MEGF6: variants seen among roughly 807,000 people sequenced by gnomAD.
MEGF6 encodes multiple epidermal growth factor-like domains protein 6.
A neutral mutation model predicts 207.1 loss-of-function variants in MEGF6; 184 were observed. That is an observed-to-expected ratio of 0.89 (90% CI 0.79 to 1.00). MEGF6 has a LOEUF of 1.00. Ranked by LOEUF, MEGF6 falls within the 50% of genes least tolerant of loss-of-function variation. The probability of loss-of-function intolerance (pLI) is 0.00; values close to 1 mark genes in which losing one functional copy is unlikely to be tolerated. For synonymous variants in MEGF6, 1,038 were observed against 910.0 expected (o/e 1.14, Z -2.53); for missense variants, 2,282 against 2,202.9 (o/e 1.04, Z -0.72).
At chr1:3,621,459 C>T in the MEGF6 span, among the ~76,000 whole-genome samples, 33 of 152,156 alleles carry the variant, frequency 2.2e-4, no homozygotes, top group Non-Finnish European at 3.5e-4. Context: ...GATTGTAGAG[C>T]GAGGATTATT....
chr1:3,593,203 G>A (rs893692366), intron 3 of MEGF6, among the ~76,000 whole-genome samples: 5 of 152,060 alleles, frequency 3.3e-5, no homozygotes, highest in African/African-American at 7.2e-5. Flanking sequence ...TGGGACCATC[G>A]AGACACTGAG....
Position 3,556,839 on chromosome 1 carries a change from T to C in MEGF6, c.481+22986A>G, listed in dbSNP as rs997566280. 2.0e-5 allele frequency among the ~76,000 whole-genome samples: 3 copies of C among 152,170 alleles called. No homozygotes were observed. The highest frequency in any genetic ancestry group is 4.4e-5 in the Non-Finnish European group (3 of 68,028). ...GGAGAATGTTAAAAACTGCCGAGCCTGCCGGGTGAGGATGGTGAGGCTGCC... is the reference window on the plus strand; with the variant it reads ...GGAGAATGTTAAAAACTGCCGAGCCCGCCGGGTGAGGATGGTGAGGCTGCC... On this transcript the variant is annotated intron_variant, in intron 4 of 36. Transcript: ENST00000356575. This position sits in a 1 kb window ranked among gnomAD's most constrained non-coding sequence, Gnocchi z 4.4.
At position 3,490,394 on chromosome 1, in the gene MEGF6, A is replaced by G. The variant is rs561725021; in HGVS notation, c.*134T>C. ...AGCGACAGGTTGCTGGGCTGTCCAC[A>G]GCCCTCCACGGCCCTCAAAGGAAGG... On this transcript the variant is annotated 3_prime_UTR_variant, in exon 37 of 37. Transcript: ENST00000356575. 2.0e-6 allele frequency: 2 copies of G among 990,134 alleles called. No individual in the cohort carries two copies. The highest frequency in any genetic ancestry group is 2.7e-5 in the Admixed American group (1 of 36,944). The allele number at this position is 990,134 out of a possible 1,614,324, so 61.3% of individuals were successfully genotyped here.
chr1:3,536,233 C>T (rs1185064870), intron 4 of MEGF6, among the ~76,000 whole-genome samples: 1 of 152,152 alleles, frequency 6.6e-6, no homozygotes, highest in African/African-American at 2.4e-5. Flanking sequence ...CTGGACCCCC[C>T]TACCCCTGCC....
At chr1:3,569,428 G>GCACAGCCC (rs1174516260) in intron 4 of MEGF6, among the ~76,000 whole-genome samples, 10 of 152,364 alleles carry the variant, frequency 6.6e-5, no homozygotes, top group Middle Eastern at 6.8e-3. Context: ...AGTGGAACAG[G>GCACAGCCC]CACAGCCCCA....
chr1:3,613,982 A>T (rs1242387780), upstream of MEGF6, among the ~76,000 whole-genome samples: 1 of 152,156 alleles, frequency 6.6e-6, no homozygotes, highest in Non-Finnish European at 1.5e-5. Flanking sequence ...GTGGAGAGGC[A>T]GGCAGGAAGG....
Position 3,520,242 on chromosome 1 carries a change from GGCC to G in MEGF6, c.604+3879_604+3881del, listed in dbSNP as rs779313057. Among the ~76,000 whole-genome samples, 15 of 152,370 alleles carry G rather than the reference GGCC, an allele frequency of 9.8e-5. No homozygotes were observed. The East Asian group carries it at 2.9e-3, about 29-fold the overall frequency. On this transcript the variant is annotated intron_variant, in intron 5 of 36. Transcript: ENST00000356575. ...CAAGGCTAGGGTCCAGAGTCAGCCA[GGCC>G]GCCTCCGGGGTCATGCGCGGGCATC...
At chr1:3,599,017 G>C (rs867990296) in intron 2 of MEGF6, among the ~76,000 whole-genome samples, 41 of 152,318 alleles carry the variant, frequency 2.7e-4, no homozygotes, top group African/African-American at 8.7e-4. Flanking sequence ...ACTCTGGGCC[G>C]GGCCGGGCTG....
intron 4 of MEGF6, chr1:3,547,243 T>A (rs1372660087): frequency 1.3e-5 from 2 of 152,228 alleles, no homozygotes; most frequent in Non-Finnish European, 2.9e-5. Flanking sequence ...GGGGACATTG[T>A]CCACCAGAAC....
chr1:3,571,500 G>A (rs1210836816), intron 4 of MEGF6, among the ~76,000 whole-genome samples: 3 of 151,206 alleles, frequency 2.0e-5, no homozygotes, highest in African/African-American at 7.3e-5. Context: ...CCAAAGGCCA[G>A]AGAGCAAGGT....
chr1:3,522,609 T>C (rs1416940583), intron 5 of MEGF6, among the ~76,000 whole-genome samples: 2 of 100,152 alleles, frequency 2.0e-5, no homozygotes, highest in Non-Finnish European at 3.8e-5. Context: ...GGGTGGGCAG[T>C]GGGTTGTGGT....
In MEGF6 at chr1:3,591,744, G is replaced by A. The variant is rs956727324; in HGVS notation, c.376+3594C>T. Among the ~76,000 whole-genome samples, 8 of 143,596 alleles carry A rather than the reference G, an allele frequency of 5.6e-5. 1 individual carries two copies. The highest frequency in any genetic ancestry group is 2.1e-4 in the African/African-American group (8 of 37,968). 94.2% of individuals were successfully genotyped at this position (143,596 alleles called of 152,430 possible). ...CACAAGGGACCCGATGGGGGCGCCG[G>A]CAAGGGGGCTGTTGGGGGCTGCTAC... On this transcript the variant is annotated intron_variant, in intron 3 of 36. Transcript: ENST00000356575.
intron 35 of MEGF6, among the ~76,000 whole-genome samples, 190 bp downstream of exon 35, chr1:3,492,449 C>A (rs1173519485): frequency 6.6e-6 from 1 of 152,206 alleles, no homozygotes; most frequent in Non-Finnish European, 1.5e-5. Context: ...GAAGCTCACA[C>A]TCCACCCATC....
chr1:3,593,833 C>T (rs541298740), intron 3 of MEGF6, among the ~76,000 whole-genome samples: 2 of 152,178 alleles, frequency 1.3e-5, no homozygotes, highest in Non-Finnish European at 2.9e-5. Flanking sequence ...GCCAGCACCC[C>T]CCTCCCTGCT....
At chr1:3,506,655 G>C (rs1641131137) in intron 14 of MEGF6, among the ~76,000 whole-genome samples, 1 of 152,208 alleles carries the variant, frequency 6.6e-6, no homozygotes, top group Non-Finnish European at 1.5e-5. Context: ...CCCAGAGCTA[G>C]AAAGGTCCTC....
chr1:3,501,971 G>C, intron 17 of MEGF6, 50 bp from the exon 18 acceptor site: 1 of 1,204,020 alleles, frequency 8.3e-7, no homozygotes, highest in South Asian at 1.5e-5. Context: ...GGAGTGGACT[G>C]ACCAGAGCCT....
At position 3,501,949 on chromosome 1, in the gene MEGF6, G is replaced by A. The variant is rs773819557; in HGVS notation, c.2189-28C>T. The stretch of plus-strand genomic sequence containing the variant: ...GCAGGAGAAAGCACGAGGGGCCTTA[G>A]CCGCACCACGTGGAGTGGACTGACC... On this transcript the variant is annotated intron_variant, in intron 17 of 36. Transcript: ENST00000356575. 1.0e-5 allele frequency: 14 copies of A among 1,397,226 alleles called. No individual in the cohort carries two copies. In the South Asian group the frequency reaches 1.5e-4, roughly 15 times the overall value. 86.6% of individuals were successfully genotyped at this position (1,397,226 alleles called of 1,614,324 possible). A position where few individuals can be genotyped will look rare whatever the true frequency, so the allele number is the denominator to read the frequency against.
At chr1:3,600,444 C>T (rs754509366) in intron 2 of MEGF6, among the ~76,000 whole-genome samples, 15 of 152,120 alleles carry the variant, frequency 9.9e-5, no homozygotes, top group Non-Finnish European at 1.5e-4. Flanking sequence ...GGGTTAGGGA[C>T]GGGGACTCCT....
In MEGF6 at chr1:3,539,613, C is replaced by G. The variant is rs552987215; in HGVS notation, c.482-15367G>C. Among the ~76,000 whole-genome samples the G allele has an allele frequency of 1.4e-3, 208 of 152,326 alleles. 1 individual carries two copies. The highest frequency in any genetic ancestry group is 3.7e-3 in the African/African-American group (154 of 41,572). ...TGACTCTGGGGCACAATCGCCCCAACCTCCTCATGAGTAGCCCCTGGGAAA... is the reference window on the plus strand; with the variant it reads ...TGACTCTGGGGCACAATCGCCCCAAGCTCCTCATGAGTAGCCCCTGGGAAA... On this transcript the variant is annotated intron_variant, in intron 4 of 36. Transcript: ENST00000356575.
Sources: gnomAD v4.1 joint callset for allele counts (sites outside exome capture counted in the v4.1 genomes callset) on GRCh38, gnomAD v4.1.1 for gene constraint, Gnocchi (gnomAD v3.1) non-coding constraint, MANE v1.5 for transcripts, NCBI Gene and HGNC (gene_info 2026-07-23, HGNC 2026-07-21) for gene names.